CCDC85A: variants seen among roughly 807,000 people sequenced by gnomAD.
CCDC85A encodes coiled-coil domain-containing protein 85A.
CCDC85A carries 38 observed loss-of-function variants against 50.2 expected under a neutral mutation model. That is an observed-to-expected ratio of 0.76 (90% CI 0.58 to 0.99). The LOEUF is 0.99. Among genes scored for constraint, CCDC85A ranks in the 50% least tolerant of loss-of-function variants. CCDC85A has a pLI of 0.00. For missense variants in CCDC85A, 820 were observed against 742.0 expected (o/e 1.11, Z -1.22); for synonymous variants, 366 against 301.4 (o/e 1.21, Z -2.22).
intron 1 of CCDC85A, chr2:56,185,733 C>G (rs1019178794): frequency 7.2e-5 from 11 of 152,260 alleles, no homozygotes; most frequent in Admixed American, 7.2e-4. Flanking sequence ...CCTTGGAGAG[C>G]GCCGGGTCTG....
intron 2 of CCDC85A, among the ~76,000 whole-genome samples, chr2:56,207,193 GTTA>G: frequency 6.6e-6 from 1 of 152,084 alleles, no homozygotes. Flanking sequence ...ATTTTAGCTT[GTTA>G]TGTTCTATCT....
At position 56,372,376 on chromosome 2, in the gene CCDC85A, A is replaced by AAT. The variant is rs1259166926; in HGVS notation, c.1351_1352insTA (p.Asn451IlefsTer27). ...AGAATAGAAGGCAACCTCCAACTAGAAACAGCTCAAATATGGAGAAAGGCT... is the reference window on the plus strand; with the variant it reads ...AGAATAGAAGGCAACCTCCAACTAGAATAACAGCTCAAATATGGAGAAAGGCT... On this transcript the variant is annotated frameshift_variant, in exon 4 of 6. Transcript: ENST00000407595. LOFTEE classifies it high-confidence loss of function. 1.3e-6 allele frequency: 2 copies of AAT among 1,592,808 alleles called. No individual in the cohort carries two copies. The highest frequency in any genetic ancestry group is 2.7e-5 in the African/African-American group (2 of 74,480).
At chr2:56,217,752 G>A (rs2869527) in intron 2 of CCDC85A, among the ~76,000 whole-genome samples, 125,914 of 151,694 alleles carry the variant, frequency 0.83, 52,286 homozygotes, top group Admixed American at 0.84. Flanking sequence ...TTGATGTAGT[G>A]TGTCTTAATT....
intron 2 of CCDC85A, among the ~76,000 whole-genome samples, chr2:56,282,185 T>A (rs1295884463): frequency 6.6e-6 from 1 of 152,152 alleles, no homozygotes; most frequent in African/African-American, 2.4e-5. Context: ...CTTTCCTCCA[T>A]TGAATTACCT....
At chr2:56,193,581 C>A in intron 2 of CCDC85A, 141 bp downstream of exon 2, 1 of 877,086 alleles carries the variant, frequency 1.1e-6, no homozygotes, top group Non-Finnish European at 1.7e-6. Flanking sequence ...ATGTTGGACC[C>A]AAAATCATGA....
At chr2:56,209,841 A>T (rs966840321) in intron 2 of CCDC85A, among the ~76,000 whole-genome samples, 7 of 151,986 alleles carry the variant, frequency 4.6e-5, no homozygotes, top group Non-Finnish European at 8.8e-5. Flanking sequence ...CAACAGTGGA[A>T]TTCCTGCTTT....
chr2:56,282,009 T>G (rs558471533), intron 2 of CCDC85A, among the ~76,000 whole-genome samples: 9 of 152,316 alleles, frequency 5.9e-5, no homozygotes, highest in Non-Finnish European at 1.2e-4. Flanking sequence ...ACTCTAAGAT[T>G]GCAAATGTTA....
In CCDC85A at chr2:56,190,396, G is replaced by A. The variant is rs189901262; in HGVS notation, c.277-2081G>A. 5.5e-3 allele frequency among the ~76,000 whole-genome samples: 832 copies of A among 152,254 alleles called. 8 individuals carry two copies. Among genetic ancestry groups the A allele is most frequent in the Non-Finnish European group, 9.2e-3 (624 of 68,008 alleles). On this transcript the variant is annotated intron_variant, in intron 1 of 5. Transcript: ENST00000407595. ...AAATTCCTTGGCTTCAGGTATTTGCGCAGGGAGTGCTGTGTTCTCCATACA... is the reference window on the plus strand; with the variant it reads ...AAATTCCTTGGCTTCAGGTATTTGCACAGGGAGTGCTGTGTTCTCCATACA...
intron 3 of CCDC85A, among the ~76,000 whole-genome samples, chr2:56,365,177 G>A (rs1675728430): frequency 6.6e-6 from 1 of 152,122 alleles, no homozygotes; most frequent in South Asian, 2.1e-4. Flanking sequence ...TTGGTTCTCT[G>A]AATTGAAGCT....
intron 2 of CCDC85A, among the ~76,000 whole-genome samples, chr2:56,209,801 TA>T (rs1218201965): frequency 6.6e-6 from 1 of 152,078 alleles, no homozygotes; most frequent in African/African-American, 2.4e-5. Flanking sequence ...TTTGTTGAGT[TA>T]TTGTTATGTA....
chr2:56,315,609 C>T (rs1672886668), intron 2 of CCDC85A, among the ~76,000 whole-genome samples: 1 of 151,978 alleles, frequency 6.6e-6, no homozygotes, highest in African/African-American at 2.4e-5. Flanking sequence ...GTATGCTATT[C>T]CATTGAGTTA....
At chr2:56,327,368 C>CTCTTTCCTTTGGGA (rs1673528863) in intron 2 of CCDC85A, among the ~76,000 whole-genome samples, 2 of 152,090 alleles carry the variant, frequency 1.3e-5, no homozygotes, top group African/African-American at 2.4e-5. Flanking sequence ...TAAAAGGGAA[C>CTCTTTCCTTTGGGA]ACTTCCAACC....
intron 2 of CCDC85A, among the ~76,000 whole-genome samples, chr2:56,317,488 A>C (rs544563035): frequency 1.1e-3 from 164 of 152,236 alleles, no homozygotes; most frequent in African/African-American, 3.2e-3. Context: ...TTGCAAAGCT[A>C]AGTGGAAAAT....
chr2:56,320,878 G>A (rs1050886372), intron 2 of CCDC85A, among the ~76,000 whole-genome samples: 8 of 152,084 alleles, frequency 5.3e-5, no homozygotes, highest in African/African-American at 1.9e-4. Context: ...GAACATCAAT[G>A]CAAAAATCCT....
At chr2:56,344,080 C>G (rs1286063107) in intron 3 of CCDC85A, among the ~76,000 whole-genome samples, 1 of 152,108 alleles carries the variant, frequency 6.6e-6, no homozygotes, top group East Asian at 1.9e-4. Context: ...AGTTGTCCCC[C>G]TTTTCAAGGG....
At chr2:56,320,425 C>G (rs1390207831) in intron 2 of CCDC85A, among the ~76,000 whole-genome samples, 1 of 152,014 alleles carries the variant, frequency 6.6e-6, no homozygotes, top group Non-Finnish European at 1.5e-5. Context: ...AGAGAAGAAT[C>G]AAATAGATGC....
chr2:56,354,231 T>A (rs1157919567), intron 3 of CCDC85A, among the ~76,000 whole-genome samples: 1 of 152,238 alleles, frequency 6.6e-6, no homozygotes, highest in East Asian at 1.9e-4. Context: ...AGGTATTCTT[T>A]ATTTTAAAAT....
intron 2 of CCDC85A, among the ~76,000 whole-genome samples, chr2:56,218,048 A>G (rs1668159882): frequency 6.6e-6 from 1 of 151,866 alleles, no homozygotes; most frequent in South Asian, 2.1e-4. Flanking sequence ...CTGATACAAC[A>G]TCTTGTGTGA....
At chr2:56,376,622 G>C (rs966457148) in intron 5 of CCDC85A, among the ~76,000 whole-genome samples, 1 of 151,934 alleles carries the variant, frequency 6.6e-6, no homozygotes, top group African/African-American at 2.4e-5. Context: ...CAGGACTATA[G>C]GTACAATTAA....
Sources: allele counts gnomAD v4.1 joint callset (sites outside exome capture counted in the v4.1 genomes callset), GRCh38; gene constraint gnomAD v4.1.1; transcripts MANE v1.5; gene names NCBI Gene and HGNC (gene_info 2026-07-23, HGNC 2026-07-21).